Variants in NRXN3 observed in about 807,000 individuals in gnomAD.
The protein encoded by NRXN3 is neurexin III.
A neutral mutation model predicts 137.6 loss-of-function variants in NRXN3; 32 were observed. The ratio of observed to expected loss-of-function variants is 0.23; its 90% confidence interval spans 0.18 to 0.31. The LOEUF is 0.31. Among genes scored for constraint, NRXN3 ranks in the 10% least tolerant of loss-of-function variants. The probability of loss-of-function intolerance (pLI) is 1.00; values close to 1 mark genes in which losing one functional copy is unlikely to be tolerated. For synonymous variants in NRXN3, 798 were observed against 784.5 expected (o/e 1.02, Z -0.29); for missense variants, 1,574 against 2,062.5 (o/e 0.76, Z 4.59).
chr14:79,639,400 T>C (rs2098421487), intron 16 of NRXN3, among the ~76,000 whole-genome samples: 1 of 152,198 alleles, frequency 6.6e-6, no homozygotes, highest in African/African-American at 2.4e-5. Context: ...TCAGTGTCTG[T>C]TGTTCCTTTC....
chr14:78,560,281 C>T lies in NRXN3; in HGVS notation c.758-84839C>T, dbSNP rs147412243. On this transcript the variant is annotated intron_variant, in intron 4 of 20. Transcript: ENST00000335750. ...TTTTGAACATACTGGATTTTTCCCC[C>T]TAAATTGACAACTAAAAATCATGCC... Among the ~76,000 whole-genome samples the T allele has an allele frequency of 5.0e-3, 759 of 152,234 alleles. 7 individuals carry two copies. The highest frequency in any genetic ancestry group is 0.017 in the African/African-American group (717 of 41,534).
intron 4 of NRXN3, among the ~76,000 whole-genome samples, chr14:78,341,498 T>C (rs2082142448): frequency 6.6e-6 from 1 of 152,164 alleles, no homozygotes; most frequent in African/African-American, 2.4e-5. Flanking sequence ...AAAGCAGCCA[T>C]AGACAATATG....
At chr14:79,244,569 G>C (rs1834583651) in intron 15 of NRXN3, among the ~76,000 whole-genome samples, 1 of 152,088 alleles carries the variant, frequency 6.6e-6, no homozygotes, top group Non-Finnish European at 1.5e-5. Flanking sequence ...GTAGAGGTTT[G>C]TCAGAAAATT....
At chr14:78,635,981 T>TTATC (rs1194972508) in intron 4 of NRXN3, among the ~76,000 whole-genome samples, 5 of 152,174 alleles carry the variant, frequency 3.3e-5, no homozygotes, top group African/African-American at 1.2e-4. Context: ...GATGTGCCTA[T>TTATC]TATCCCTCCA....
chr14:78,722,223 T>C (rs900803779), intron 8 of NRXN3, among the ~76,000 whole-genome samples: 1 of 152,172 alleles, frequency 6.6e-6, no homozygotes, highest in Non-Finnish European at 1.5e-5. Flanking sequence ...AACCTGAGAA[T>C]GTGAGGGTCA....
At chr14:79,369,047 T>C (rs2093997171) in intron 15 of NRXN3, among the ~76,000 whole-genome samples, 1 of 152,148 alleles carries the variant, frequency 6.6e-6, no homozygotes, top group Admixed American at 6.5e-5. Flanking sequence ...AATCGTGTGG[T>C]AAATAAGCAA....
At chr14:79,690,917 A>G (rs2098714170) in intron 17 of NRXN3, among the ~76,000 whole-genome samples, 1 of 152,062 alleles carries the variant, frequency 6.6e-6, no homozygotes, top group Non-Finnish European at 1.5e-5. Flanking sequence ...ATTGTTTCCA[A>G]GCCACCTGGT....
At chr14:78,926,655 ATATT>A (rs564802003) in intron 10 of NRXN3, among the ~76,000 whole-genome samples, 9,362 of 97,330 alleles carry the variant, frequency 0.096, 696 homozygotes, top group Non-Finnish European at 0.14. Context: ...TATAATATAT[ATATT>A]TATTATATAT....
intron 16 of NRXN3, among the ~76,000 whole-genome samples, chr14:79,516,313 T>G (rs533958389): frequency 6.6e-6 from 1 of 152,302 alleles, no homozygotes; most frequent in African/African-American, 2.4e-5. Flanking sequence ...TAATGCTGCC[T>G]GTTTTCCAGG....
intron 10 of NRXN3, among the ~76,000 whole-genome samples, 185 bp from the exon 11 acceptor site, chr14:78,957,057 G>C (rs1227045189): frequency 7.2e-5 from 11 of 152,122 alleles, no homozygotes; most frequent in Non-Finnish European, 1.5e-4. Flanking sequence ...TTTGAATTGA[G>C]ACTTTTGCAT....
intron 4 of NRXN3, among the ~76,000 whole-genome samples, chr14:78,485,025 T>C (rs2095539525): frequency 6.6e-6 from 1 of 152,146 alleles, no homozygotes; most frequent in African/African-American, 2.4e-5. Context: ...ACTCTTCCCT[T>C]GCCTCATCCT....
At chr14:78,567,931 C>T (rs575029858) in intron 4 of NRXN3, among the ~76,000 whole-genome samples, 134 of 152,242 alleles carry the variant, frequency 8.8e-4, no homozygotes, top group Non-Finnish European at 1.6e-3. Context: ...GTTTCCATCT[C>T]CATCATTCCT....
At chr14:78,466,087 T>C (rs1222158341) in intron 4 of NRXN3, among the ~76,000 whole-genome samples, 1 of 152,084 alleles carries the variant, frequency 6.6e-6, no homozygotes, top group Non-Finnish European at 1.5e-5. Flanking sequence ...TCTCCTGACC[T>C]CGTGATCTGC....
chr14:78,628,673 G>T (rs772103027), intron 4 of NRXN3, among the ~76,000 whole-genome samples: 50 of 152,298 alleles, frequency 3.3e-4, no homozygotes, highest in Admixed American at 1.1e-3. Context: ...GGCCATAAAG[G>T]ATATGTAATC....
chr14:78,980,892 A>G (rs2099487631), intron 14 of NRXN3, among the ~76,000 whole-genome samples: 2 of 152,160 alleles, frequency 1.3e-5, no homozygotes, highest in Admixed American at 6.5e-5. Context: ...ATATGTGACT[A>G]TTTTCGTGAG....
chr14:78,991,786 A>G (rs184692487), intron 15 of NRXN3, among the ~76,000 whole-genome samples: 2 of 152,300 alleles, frequency 1.3e-5, no homozygotes, highest in Admixed American at 1.3e-4. Context: ...TGTTTACCAA[A>G]TATGATTGCC....
Position 79,374,763 on chromosome 14 carries a change from G to A in NRXN3, c.3263-92458G>A, listed in dbSNP as rs146688681. 7.3e-3 allele frequency among the ~76,000 whole-genome samples: 1,118 copies of A among 152,122 alleles called. 12 individuals are homozygous for A. The highest frequency in any genetic ancestry group is 0.025 in the African/African-American group (1,057 of 41,514). ...GGCCAAACCAATGTATACTTTTCATGTACTGATTTATAATTTTACCTACAA... is the reference window on the plus strand; with the variant it reads ...GGCCAAACCAATGTATACTTTTCATATACTGATTTATAATTTTACCTACAA... On this transcript the variant is annotated intron_variant, in intron 15 of 20. Coordinates refer to ENST00000335750, the MANE Select transcript of NRXN3 (RefSeq NM_001330195.2).
chr14:79,632,517 G>A (rs540601551), intron 16 of NRXN3: 1 of 138,830 alleles, frequency 7.2e-6, no homozygotes, highest in East Asian at 2.0e-4. Flanking sequence ...AGAATGAGAA[G>A]GGGATTCCTA....
At chr14:79,770,657 C>T in intron 19 of NRXN3, among the ~76,000 whole-genome samples, 10 of 145,886 alleles carry the variant, frequency 6.9e-5, no homozygotes, top group Non-Finnish European at 7.6e-5. Flanking sequence ...CACTAAATGC[C>T]CACAAGAGAA....
Sources: allele counts gnomAD v4.1 joint callset (sites outside exome capture counted in the v4.1 genomes callset), GRCh38; gene constraint gnomAD v4.1.1; transcripts MANE v1.5; gene names NCBI Gene and HGNC (gene_info 2026-07-23, HGNC 2026-07-21).